The following TRPM3 variants were observed in gnomAD, a reference collection of about 807,000 sequenced individuals.
TRPM3 encodes transient receptor potential cation channel subfamily M member 3.
A neutral mutation model predicts 181.2 loss-of-function variants in TRPM3; 77 were observed. The ratio of observed to expected loss-of-function variants is 0.42; its 90% CI spans 0.35 to 0.51. The LOEUF (loss-of-function observed/expected upper bound fraction) is 0.51. Ranked by LOEUF, TRPM3 falls within the 20% of genes least tolerant of loss-of-function variation. The probability of loss-of-function intolerance (pLI) is 0.01; values close to 1 mark genes in which losing one functional copy is unlikely to be tolerated. For synonymous variants in TRPM3, 745 were observed against 796.4 expected, an observed-to-expected ratio of 0.94 and a Z score of 1.09; for missense variants, 1,759 against 2,196.7, an observed-to-expected ratio of 0.80 and a Z score of 3.98.
intron 1 of TRPM3, among the ~76,000 whole-genome samples, chr9:71,429,558 G>A (rs2093925686): frequency 6.6e-6 from 1 of 152,100 alleles, no homozygotes; most frequent in Admixed American, 6.6e-5. Flanking sequence ...CTGTGTAGTT[G>A]GAATCTGCAA....
intron 1 of TRPM3, among the ~76,000 whole-genome samples, chr9:71,024,902 GT>G (rs2097881128): frequency 6.6e-6 from 1 of 152,026 alleles, no homozygotes; most frequent in Non-Finnish European, 1.5e-5. Context: ...TTCTAAAGCT[GT>G]TTGAAAAAAA....
chr9:70,844,908 A>G (rs184158270), intron 4 of TRPM3, among the ~76,000 whole-genome samples: 4 of 152,364 alleles, frequency 2.6e-5, no homozygotes, highest in African/African-American at 4.8e-5. Flanking sequence ...TCACAAGCCA[A>G]TGAGGCCTGC....
intron 1 of TRPM3, among the ~76,000 whole-genome samples, chr9:70,984,595 A>G (rs1430399182): frequency 2.6e-5 from 4 of 152,216 alleles, no homozygotes; most frequent in African/African-American, 7.2e-5. Context: ...CAGAAAACAG[A>G]TATTCTCAAG....
At chr9:71,125,906 A>G (rs2074003188), upstream of TRPM3, among the ~76,000 whole-genome samples, 1 of 152,220 alleles carries the variant, frequency 6.6e-6, no homozygotes. Flanking sequence ...TTGCACAGCA[A>G]AAGAAACTAT....
At chr9:70,686,754 T>TCTCC (rs1407109404) in intron 8 of TRPM3, among the ~76,000 whole-genome samples, 1 of 89,246 alleles carries the variant, frequency 1.1e-5, no homozygotes, top group Non-Finnish European at 2.2e-5. Context: ...TTCCTCCTTC[T>TCTCC]CTCCCTCCCT....
intron 1 of TRPM3, among the ~76,000 whole-genome samples, chr9:71,324,823 A>G (rs911730077): frequency 6.6e-6 from 1 of 152,084 alleles, no homozygotes; most frequent in African/African-American, 2.4e-5. Context: ...AGTAACATGG[A>G]TGGAATAGGA....
chr9:71,024,693 C>T (rs1190858267), intron 1 of TRPM3, among the ~76,000 whole-genome samples: 1 of 152,156 alleles, frequency 6.6e-6, no homozygotes, highest in Non-Finnish European at 1.5e-5. Context: ...TAAGTTAATG[C>T]CTATAAAAAG....
At chr9:70,647,722 G>T (rs1005252500) in intron 9 of TRPM3, among the ~76,000 whole-genome samples, 2 of 152,106 alleles carry the variant, frequency 1.3e-5, no homozygotes, top group African/African-American at 4.8e-5. Context: ...GAAATAAAAG[G>T]CATCCCAATA....
intron 1 of TRPM3, among the ~76,000 whole-genome samples, chr9:71,306,887 A>G (rs1407624917): frequency 1.3e-5 from 2 of 152,168 alleles, no homozygotes; most frequent in Non-Finnish European, 2.9e-5. Context: ...CAACAACAAC[A>G]AAAACACCTT....
At chr9:71,283,540 G>A (rs2085028958) in intron 1 of TRPM3, among the ~76,000 whole-genome samples, 1 of 152,008 alleles carries the variant, frequency 6.6e-6, no homozygotes, top group South Asian at 2.1e-4. Context: ...TCCTGACCTC[G>A]TGATCCCCCG....
intron 1 of TRPM3, among the ~76,000 whole-genome samples, chr9:71,224,030 G>A (rs1479027941): frequency 6.6e-6 from 1 of 152,152 alleles, no homozygotes; most frequent in Non-Finnish European, 1.5e-5. Context: ...GAGTCCTAGG[G>A]CTTTAAGTAA....
At chr9:70,619,406 CTTTTTTT>C (rs1170887633) in intron 16 of TRPM3, among the ~76,000 whole-genome samples, 513 of 81,460 alleles carry the variant, frequency 6.3e-3, no homozygotes, top group Non-Finnish European at 9.4e-3. Flanking sequence ...TCGTCGTCTT[CTTTTTTT>C]TTTTTTTTTT....
At chr9:71,252,740 T>G (rs1023581736) in intron 1 of TRPM3, among the ~76,000 whole-genome samples, 2 of 151,850 alleles carry the variant, frequency 1.3e-5, no homozygotes, top group Non-Finnish European at 2.9e-5. Flanking sequence ...GGAGCAGTCA[T>G]GGCACATTGC....
chr9:71,299,503 T>C (rs74504706), intron 1 of TRPM3, among the ~76,000 whole-genome samples: 1,663 of 124,360 alleles, frequency 0.013, 26 homozygotes, highest in East Asian at 0.086. Context: ...GAGAAAAAGA[T>C]GAAGGAAGGG....
intron 8 of TRPM3, among the ~76,000 whole-genome samples, chr9:70,744,125 C>T (rs1368203653): frequency 1.3e-5 from 2 of 151,796 alleles, no homozygotes; most frequent in African/African-American, 2.4e-5. Flanking sequence ...GTCAGGAGTT[C>T]GAGACCAGCC....
chr9:70,933,255 T>C (rs922127443), intron 1 of TRPM3, among the ~76,000 whole-genome samples: 13 of 152,060 alleles, frequency 8.5e-5, no homozygotes, highest in African/African-American at 1.4e-4. Flanking sequence ...AGAGTGGCGA[T>C]AGTAAATTTG....
chr9:71,149,966 C>A (rs2075642299), intron 1 of TRPM3, among the ~76,000 whole-genome samples: 1 of 151,980 alleles, frequency 6.6e-6, no homozygotes, highest in African/African-American at 2.4e-5. Flanking sequence ...AGAGTAAGAT[C>A]CTGTCTCAAA....
At chr9:71,030,429 G>T (rs938697433) in intron 1 of TRPM3, among the ~76,000 whole-genome samples, 23 of 152,016 alleles carry the variant, frequency 1.5e-4, no homozygotes, top group Non-Finnish European at 2.6e-4. Flanking sequence ...GCTAAGCATG[G>T]TGGCTGATGC....
chr9:70,992,484 T>A (rs925586727), intron 1 of TRPM3, among the ~76,000 whole-genome samples: 2 of 152,172 alleles, frequency 1.3e-5, no homozygotes, highest in African/African-American at 4.8e-5. Context: ...GATTCAGCAG[T>A]GAATGAGCCC....
Sources: gnomAD v4.1 joint callset for allele counts (sites outside exome capture counted in the v4.1 genomes callset) on GRCh38, gnomAD v4.1.1 for gene constraint, MANE v1.5 for transcripts, NCBI Gene and HGNC (gene_info 2026-07-23, HGNC 2026-07-21) for gene names.